The following SPOCK3 variants were observed in gnomAD, a reference collection of about 807,000 sequenced individuals.
SPOCK3 encodes the protein testican-3.
Under a neutral mutation model 56.6 loss-of-function variants are expected in SPOCK3, and 30 were observed. The ratio of observed to expected loss-of-function variants is 0.53; its 90% confidence interval spans 0.40 to 0.72. The LOEUF is 0.72. SPOCK3 is among the 30% of genes least tolerant of loss of function. The pLI, the probability that SPOCK3 is intolerant of heterozygous loss-of-function variation, is 0.00. For synonymous variants in SPOCK3, 196 were observed against 183.3 expected, an observed-to-expected ratio of 1.07 and a Z score of -0.56; for missense variants, 527 against 530.0, an observed-to-expected ratio of 0.99 and a Z score of 0.06.
chr4:166,754,136 C>A (rs7658611), intron 8 of SPOCK3: 800,758 of 985,974 alleles, frequency 0.81, 326,133 homozygotes, highest in South Asian at 0.83. Flanking sequence ...AAAACTCCAC[C>A]GTATAGTGAT....
chr4:167,134,104 C>T (rs1335466746), intron 2 of SPOCK3, among the ~76,000 whole-genome samples: 1 of 141,696 alleles, frequency 7.1e-6, no homozygotes, highest in Non-Finnish European at 1.5e-5. Flanking sequence ...TCTTGGCTCA[C>T]TGCAACCTCC....
intron 6 of SPOCK3, among the ~76,000 whole-genome samples, chr4:166,849,517 G>A (rs187271242): frequency 8.3e-4 from 127 of 152,156 alleles, no homozygotes; most frequent in Non-Finnish European, 1.0e-4. Context: ...TTTGGCCAGG[G>A]AAGGTTTCAT....
At chr4:166,935,008 A>T (rs1416560633) in intron 4 of SPOCK3, among the ~76,000 whole-genome samples, 3 of 152,238 alleles carry the variant, frequency 2.0e-5, no homozygotes, top group Admixed American at 1.3e-4. Flanking sequence ...GAAGCAAAAA[A>T]GTCGGCTTGA....
intron 6 of SPOCK3, among the ~76,000 whole-genome samples, chr4:166,864,268 A>G (rs1731547808): frequency 6.6e-6 from 1 of 152,202 alleles, no homozygotes; most frequent in Non-Finnish European, 1.5e-5. Flanking sequence ...AATCTCTAGG[A>G]CACAGCTAAA....
At chr4:166,866,673 C>T (rs940935460) in intron 6 of SPOCK3, among the ~76,000 whole-genome samples, 1 of 151,770 alleles carries the variant, frequency 6.6e-6, no homozygotes, top group Non-Finnish European at 1.5e-5. Context: ...ATAGTATTAA[C>T]TTATGATCAA....
intron 4 of SPOCK3, among the ~76,000 whole-genome samples, chr4:166,961,855 C>T (rs994902334): frequency 6.6e-6 from 1 of 152,098 alleles, no homozygotes; most frequent in Non-Finnish European, 1.5e-5. Flanking sequence ...CTGCTCTAAA[C>T]CTGAGCATCT....
intron 6 of SPOCK3, among the ~76,000 whole-genome samples, chr4:166,793,565 T>C (rs562906284): frequency 6.6e-6 from 1 of 152,328 alleles, no homozygotes; most frequent in African/African-American, 2.4e-5. Flanking sequence ...TTGGACAAGC[T>C]TGCTCTAAAG....
At chr4:166,972,989 G>A (rs932369953) in intron 4 of SPOCK3, among the ~76,000 whole-genome samples, 7 of 151,892 alleles carry the variant, frequency 4.6e-5, no homozygotes, top group African/African-American at 2.4e-5. Context: ...TGTTGATATC[G>A]TTCGGCTCTG....
At chr4:166,928,540 G>T (rs1739370729) in intron 4 of SPOCK3, among the ~76,000 whole-genome samples, 1 of 152,310 alleles carries the variant, frequency 6.6e-6, no homozygotes, top group Admixed American at 6.5e-5. Flanking sequence ...GGGAGGAAAG[G>T]ATGAATAGGC....
intron 6 of SPOCK3, among the ~76,000 whole-genome samples, chr4:166,795,628 T>G (rs999569940): frequency 1.3e-5 from 2 of 151,882 alleles, no homozygotes; most frequent in African/African-American, 4.8e-5. Flanking sequence ...CTTTCTGAAA[T>G]TAATTAAATT....
intron 2 of SPOCK3, among the ~76,000 whole-genome samples, chr4:167,108,946 T>TTATAAATATTATATATATAAATA (rs1222949968): frequency 9.4e-6 from 1 of 106,588 alleles, no homozygotes; most frequent in Non-Finnish European, 1.8e-5. Flanking sequence ...TATATTTATA[T>TTATAAATATTATATATATAAATA]TATAAATATT....
At chr4:166,909,079 T>C (rs1468061246) in intron 5 of SPOCK3, among the ~76,000 whole-genome samples, 1 of 152,092 alleles carries the variant, frequency 6.6e-6, no homozygotes, top group African/African-American at 2.4e-5. Flanking sequence ...AAAAAGGCAA[T>C]GTTCCAAAAA....
chr4:166,763,595 G>A (rs1303363204), intron 7 of SPOCK3, among the ~76,000 whole-genome samples: 3 of 152,050 alleles, frequency 2.0e-5, no homozygotes, highest in African/African-American at 7.2e-5. Context: ...AAAGTACTGT[G>A]GAGTGTACAA....
At chr4:166,790,171 C>G (rs528133160) in intron 7 of SPOCK3, among the ~76,000 whole-genome samples, 192 of 152,220 alleles carry the variant, frequency 1.3e-3, no homozygotes, top group Non-Finnish European at 2.3e-3. Flanking sequence ...TCTGGAAATA[C>G]AGTGGTGAAT....
intron 2 of SPOCK3, among the ~76,000 whole-genome samples, chr4:167,100,811 C>T (rs1295141388): frequency 1.3e-5 from 2 of 152,108 alleles, no homozygotes; most frequent in East Asian, 1.9e-4. Context: ...TATTCCCAAA[C>T]AAGTAATCAC....
chr4:166,838,679 G>A (rs1746890940), intron 6 of SPOCK3, among the ~76,000 whole-genome samples: 1 of 145,896 alleles, frequency 6.9e-6, no homozygotes, highest in Middle Eastern at 3.2e-3. Context: ...TAGACCGGGT[G>A]TGGTGGCTCA....
At chr4:167,026,306 G>A (rs1438664387) in intron 3 of SPOCK3, among the ~76,000 whole-genome samples, 1 of 152,036 alleles carries the variant, frequency 6.6e-6, no homozygotes, top group Non-Finnish European at 1.5e-5. Flanking sequence ...TTTCTTAGTT[G>A]CCATGTATGT....
At chr4:167,232,295 T>C (rs1197694418) in intron 2 of SPOCK3, among the ~76,000 whole-genome samples, 2 of 151,860 alleles carry the variant, frequency 1.3e-5, no homozygotes, top group African/African-American at 2.4e-5. Context: ...TCATTGAAGA[T>C]AGTAATACTC....
chr4:167,233,287 G>T (rs1210507358), intron 2 of SPOCK3, among the ~76,000 whole-genome samples: 1 of 152,168 alleles, frequency 6.6e-6, no homozygotes, highest in Non-Finnish European at 1.5e-5. Context: ...CTCCCCAGGG[G>T]AGTCTATGGT....
Sources: allele counts gnomAD v4.1 joint callset (sites outside exome capture counted in the v4.1 genomes callset), GRCh38; gene constraint gnomAD v4.1.1; transcripts MANE v1.5; gene names NCBI Gene and HGNC (gene_info 2026-07-23, HGNC 2026-07-21).